The following WLS variants were observed in gnomAD, a reference collection of about 807,000 sequenced individuals.
The protein encoded by WLS is Wnt ligand secretion mediator, also known as protein wntless homolog.
A neutral mutation model predicts 62.8 loss-of-function variants in WLS; 23 were observed. That is an observed-to-expected ratio of 0.37 (90% CI 0.26 to 0.52). The LOEUF (loss-of-function observed/expected upper bound fraction) is 0.52. WLS is among the 20% of genes least tolerant of loss of function. The pLI, the probability that WLS is intolerant of heterozygous loss-of-function variation, is 0.92. For synonymous variants in WLS, 246 were observed against 244.1 expected (o/e 1.01, Z -0.07); for missense variants, 615 against 697.3 (o/e 0.88, Z 1.33).
chr1:68,139,460 G>A (rs1343120658), intron 10 of WLS, among the ~76,000 whole-genome samples: 1 of 152,180 alleles, frequency 6.6e-6, no homozygotes, highest in African/African-American at 2.4e-5. Context: ...ACAGGTACCT[G>A]CTGTCATAAC....
At chr1:68,178,705 C>CAAAAA (rs376126398) in intron 2 of WLS, among the ~76,000 whole-genome samples, 5,177 of 108,060 alleles carry the variant, frequency 0.048, 148 homozygotes, top group Middle Eastern at 0.14. Context: ...GACTACATTT[C>CAAAAA]AAAAAAAAAA....
chr1:68,217,299 T>C (rs1462831322), intron 1 of WLS, among the ~76,000 whole-genome samples: 1 of 152,206 alleles, frequency 6.6e-6, no homozygotes, highest in Non-Finnish European at 1.5e-5. Flanking sequence ...ACTTCTCCCA[T>C]GCACCAACAG....
At chr1:68,167,663 A>G (rs1647080335) in intron 2 of WLS, among the ~76,000 whole-genome samples, 1 of 152,182 alleles carries the variant, frequency 6.6e-6, no homozygotes, top group East Asian at 1.9e-4. Flanking sequence ...TAGATTTGAA[A>G]TCCATGGTTT....
In WLS at chr1:68,145,867, A is replaced by C; in HGVS notation, c.1278+2T>G. Reference sequence around the variant, plus strand: ...CCAGAACGAGCCAAGAAATCTGCCCACCTCATAGTGTAGCCGCCGGACTTT... The same window carrying C: ...CCAGAACGAGCCAAGAAATCTGCCCCCCTCATAGTGTAGCCGCCGGACTTT... On this transcript the variant is annotated splice_donor_variant, in intron 9 of 11. Coordinates refer to ENST00000262348, the MANE Select transcript of WLS (RefSeq NM_024911.7). LOFTEE classifies it high-confidence loss of function. The C allele has an allele frequency of 6.2e-7, 1 of 1,614,036 alleles. No homozygotes were observed. Among genetic ancestry groups the C allele is most frequent in the South Asian group, 1.1e-5 (1 of 91,050 alleles).
At chr1:68,113,951 G>C (rs763333199) in intron 11 of WLS, among the ~76,000 whole-genome samples, 4 of 152,184 alleles carry the variant, frequency 2.6e-5, no homozygotes, top group Non-Finnish European at 5.9e-5. Context: ...AAAGAAACAT[G>C]CTTAAAAATC....
At chr1:68,174,153 T>C (rs926643246) in intron 2 of WLS, among the ~76,000 whole-genome samples, 6 of 152,270 alleles carry the variant, frequency 3.9e-5, no homozygotes, top group Admixed American at 3.9e-4. Context: ...TCTCTGCAGC[T>C]CTCCCGCAGC....
chr1:68,123,831 G>A (rs1319085764), downstream of WLS, among the ~76,000 whole-genome samples: 1 of 152,094 alleles, frequency 6.6e-6, no homozygotes, highest in Non-Finnish European at 1.5e-5. Context: ...TGAGAGAAAG[G>A]TGCATGGATT....
Position 68,227,338 on chromosome 1 carries a change from A to G in WLS, c.106+4856T>C, listed in dbSNP as rs946841046. Among the ~76,000 whole-genome samples the G allele has an allele frequency of 2.0e-5, 3 of 147,908 alleles. No homozygotes were observed. The Admixed American group carries it at 2.1e-4, about 10-fold the overall frequency. Reference sequence around the variant, plus strand: ...AGGCTGAGGCAGGAGAATCACTTGAACCCGGGAGGCGGAGGTTGCAGTGAG... The same window carrying G: ...AGGCTGAGGCAGGAGAATCACTTGAGCCCGGGAGGCGGAGGTTGCAGTGAG... On this transcript the variant is annotated intron_variant, in intron 1 of 11. Transcript: ENST00000262348.
At chr1:68,148,484 T>A (rs1646781785) in intron 7 of WLS, 79 bp downstream of exon 7, 1 of 1,465,906 alleles carries the variant, frequency 6.8e-7, no homozygotes, top group African/African-American at 1.4e-5. Flanking sequence ...ATTCTCCTTT[T>A]CAAACACTCC....
At chr1:68,228,207 T>C in intron 1 of WLS, 1 of 427,586 alleles carries the variant, frequency 2.3e-6, no homozygotes, top group South Asian at 1.7e-5. Flanking sequence ...AATTGGTGAT[T>C]TGTTGATACT....
intron 2 of WLS, among the ~76,000 whole-genome samples, chr1:68,184,950 C>T (rs116251444): frequency 0.045 from 6,812 of 151,584 alleles, 191 homozygotes; most frequent in Middle Eastern, 0.11. Context: ...AACAAGCAAA[C>T]AAAAAAAACA....
In WLS at chr1:68,232,448, C is replaced by A; in HGVS notation, c.-149G>T. On this transcript the variant is annotated 5_prime_UTR_variant, in exon 1 of 12. Coordinates refer to ENST00000262348, the MANE Select transcript of WLS (RefSeq NM_024911.7). ...TGCTGGAGCGCGGCGAGGATGGGAC[C>A]GGGACGGAAGGCGCCCGCACGGATT... 1 of 1,403,488 alleles carries A rather than the reference C, an allele frequency of 7.1e-7. No individual in the cohort carries two copies. 86.9% of individuals were successfully genotyped at this position (1,403,488 alleles called of 1,614,324 possible).
At chr1:68,200,515 G>T (rs921518671) in intron 1 of WLS, among the ~76,000 whole-genome samples, 7 of 151,088 alleles carry the variant, frequency 4.6e-5, no homozygotes, top group African/African-American at 1.7e-4. Context: ...AAATTACTTG[G>T]TCTATGTCTA....
intron 1 of WLS, among the ~76,000 whole-genome samples, chr1:68,209,274 C>G (rs17130583): frequency 0.098 from 14,970 of 152,272 alleles, 1,132 homozygotes; most frequent in East Asian, 0.27. Context: ...CATACTCCAT[C>G]AAGCCATTCT....
chr1:68,159,528 G>A (rs942533160), intron 2 of WLS, among the ~76,000 whole-genome samples: 4 of 152,178 alleles, frequency 2.6e-5, no homozygotes, highest in African/African-American at 9.7e-5. Flanking sequence ...CAAATGGTCA[G>A]ACCTCATCCT....
intron 6 of WLS, 144 bp downstream of exon 6, chr1:68,150,044 G>T (rs914552780): frequency 1.3e-6 from 1 of 789,546 alleles, no homozygotes; most frequent in Non-Finnish European, 2.0e-6. Flanking sequence ...GAACCAGAGG[G>T]TCTGCCTCCA....
chr1:68,163,328 G>C (rs1165038354), intron 2 of WLS, among the ~76,000 whole-genome samples: 1 of 152,198 alleles, frequency 6.6e-6, no homozygotes, highest in Non-Finnish European at 1.5e-5. Flanking sequence ...GTCCCGGACG[G>C]TCAGCGTCCA....
chr1:68,125,488 GAA>G lies in WLS; in HGVS notation c.*736_*737del. On this transcript the variant is annotated 3_prime_UTR_variant, in exon 12 of 12. Coordinates refer to ENST00000262348, the MANE Select transcript of WLS (RefSeq NM_024911.7). ...TCAAAATAAAACGCATTTTAAGCAA[GAA>G]GTTAAAAAAGCTTTTCAGACCCGAA... is the stretch of plus-strand genomic sequence containing the variant. 1 of 985,418 alleles carries G rather than the reference GAA, an allele frequency of 1.0e-6. No individual in the cohort carries two copies. The highest frequency in any genetic ancestry group is 1.2e-6 in the Non-Finnish European group (1 of 829,920). The allele number at this position is 985,418 out of a possible 1,614,324, so 61.0% of individuals were successfully genotyped here.
Position 68,232,204 on chromosome 1 carries a change from T to A in WLS, c.96A>T (p.Gly32=), listed in dbSNP as rs1557536122. Residue 32 remains glycine, a synonymous_variant, in exon 1 of 12, where the codon GGA becomes GGT. Coordinates refer to ENST00000262348, the MANE Select transcript of WLS (RefSeq NM_024911.7). ...LVFQIIAFLV[G]GLIAPGPTTA... ...GCTCTCCGCACTTACCAATCAAGCC[T>A]CCCACCAGAAAGGCGATGATTTGGA... 6.2e-7 allele frequency: 1 copy of A among 1,613,986 alleles called. No individual in the cohort carries two copies. The highest frequency in any genetic ancestry group is 8.5e-7 in the Non-Finnish European group (1 of 1,179,968).
Sources: allele counts gnomAD v4.1 joint callset (sites outside exome capture counted in the v4.1 genomes callset), GRCh38; gene constraint gnomAD v4.1.1; transcripts MANE v1.5; gene names NCBI Gene and HGNC (gene_info 2026-07-23, HGNC 2026-07-21).